Variants in RSBN1L observed in about 807,000 individuals in gnomAD.
RSBN1L encodes the protein lysine-specific demethylase RSBN1L.
Under a neutral mutation model 67.7 loss-of-function variants are expected in RSBN1L, and 30 were observed. That is an observed-to-expected ratio of 0.44 (90% CI 0.33 to 0.60). The LOEUF is 0.60. Among genes scored for constraint, RSBN1L ranks in the 20% least tolerant of loss-of-function variants. RSBN1L has a pLI of 0.02. For missense variants in RSBN1L, 992 were observed against 1,031.7 expected, an observed-to-expected ratio of 0.96 and a Z score of 0.53; for synonymous variants, 433 against 387.0, an observed-to-expected ratio of 1.12 and a Z score of -1.39.
chr7:77,734,361 T>C (rs1009548427), intron 1 of RSBN1L, among the ~76,000 whole-genome samples: 2 of 152,182 alleles, frequency 1.3e-5, no homozygotes, highest in African/African-American at 4.8e-5. Context: ...GAAAAAGAAA[T>C]GTGGAGACGT....
chr7:77,763,149 CTTTTTTT>C (rs11440608), intron 3 of RSBN1L, among the ~76,000 whole-genome samples: 35,006 of 126,930 alleles, frequency 0.28, 4,370 homozygotes, highest in South Asian at 0.33. Context: ...TATAATTTGA[CTTTTTTT>C]TTTTTTTTTT....
intron 1 of RSBN1L, among the ~76,000 whole-genome samples, chr7:77,713,608 G>A (rs1460778624): frequency 6.7e-6 from 1 of 150,072 alleles, no homozygotes; most frequent in Non-Finnish European, 1.5e-5. Context: ...CACCCACCTT[G>A]GCCTCCCAAA....
At chr7:77,765,729 T>G in intron 4 of RSBN1L, 97 bp downstream of exon 4, 1 of 898,646 alleles carries the variant, frequency 1.1e-6, no homozygotes, top group Admixed American at 2.6e-5. Flanking sequence ...TCTTTCATGC[T>G]ACATGCAATA....
chr7:77,769,103 T>C (rs546982020), intron 5 of RSBN1L, among the ~76,000 whole-genome samples: 1 of 152,282 alleles, frequency 6.6e-6, no homozygotes, highest in Non-Finnish European at 1.5e-5. Flanking sequence ...TAAAATGTTT[T>C]GTGGAGGATA....
intron 2 of RSBN1L, among the ~76,000 whole-genome samples, chr7:77,738,918 A>G (rs1791370914): frequency 6.6e-6 from 1 of 152,098 alleles, no homozygotes; most frequent in Non-Finnish European, 1.5e-5. Context: ...CAGCCTGGGC[A>G]ACAGAGAGAG....
chr7:77,777,910 C>T (rs1158465025), intron 6 of RSBN1L, among the ~76,000 whole-genome samples: 1 of 152,032 alleles, frequency 6.6e-6, no homozygotes, highest in African/African-American at 2.4e-5. Context: ...TTTTATGCAT[C>T]AGTATAGTTA....
chr7:77,755,785 C>T (rs1242096770), intron 3 of RSBN1L, among the ~76,000 whole-genome samples: 3 of 152,166 alleles, frequency 2.0e-5, no homozygotes, highest in African/African-American at 7.2e-5. Flanking sequence ...GAAGTTTCAA[C>T]CTGATAAACC....
intron 1 of RSBN1L, among the ~76,000 whole-genome samples, chr7:77,707,657 A>G (rs1266836496): frequency 1.3e-5 from 2 of 152,232 alleles, no homozygotes; most frequent in African/African-American, 2.4e-5. Flanking sequence ...AATGTTCACT[A>G]TTACTCAATT....
chr7:77,733,733 A>T (rs993436700), intron 1 of RSBN1L, among the ~76,000 whole-genome samples: 1 of 152,144 alleles, frequency 6.6e-6, no homozygotes, highest in Non-Finnish European at 1.5e-5. Flanking sequence ...ATAGTGTATG[A>T]TAGTTTTATT....
intron 6 of RSBN1L, among the ~76,000 whole-genome samples, chr7:77,775,158 C>T (rs552752994): frequency 6.6e-6 from 1 of 152,330 alleles, no homozygotes; most frequent in East Asian, 1.9e-4. Context: ...TGCTCTGTTG[C>T]CCAGGCTGGG....
chr7:77,708,706 C>G lies in RSBN1L; in HGVS notation c.586+11651C>G, dbSNP rs537548348. On this transcript the variant is annotated intron_variant, in intron 1 of 7. Coordinates refer to ENST00000334955, the MANE Select transcript of RSBN1L (RefSeq NM_198467.3). ...CGAGTTCAGACTATTTTGTGGGCAA[C>G]AGCAAGACATGGTTTTTTAGGAGGG... 2.6e-5 allele frequency among the ~76,000 whole-genome samples: 4 copies of G among 151,944 alleles called. No individual in the cohort carries two copies. The East Asian group carries it at 7.7e-4, about 29-fold the overall frequency.
intron 1 of RSBN1L, among the ~76,000 whole-genome samples, chr7:77,728,555 A>G (rs1032808024): frequency 2.2e-4 from 33 of 152,334 alleles, no homozygotes; most frequent in African/African-American, 7.2e-4. Context: ...GCGCTGCTCA[A>G]CAGCCACCCT....
chr7:77,703,445 T>C (rs939879978), intron 1 of RSBN1L, among the ~76,000 whole-genome samples: 1 of 149,418 alleles, frequency 6.7e-6, no homozygotes, highest in Non-Finnish European at 1.5e-5. Flanking sequence ...AGACGTGGAG[T>C]GTGTGTGTGT....
In RSBN1L at chr7:77,751,819, G is replaced by A. The variant is rs529767805; in HGVS notation, c.1344+1755G>A. 1.8e-4 allele frequency among the ~76,000 whole-genome samples: 28 copies of A among 152,274 alleles called. 2 individuals are homozygous for A. The South Asian group carries it at 1.9e-3, about 10-fold the overall frequency. On this transcript the variant is annotated intron_variant, in intron 3 of 7. Transcript: ENST00000334955. ...CTTATCACCTTATCATTCATTTGTC[G>A]TTTATTGCATGTCTCCTAAATGTCC...
chr7:77,702,384 A>C (rs2150411129), intron 1 of RSBN1L, among the ~76,000 whole-genome samples: 1 of 152,226 alleles, frequency 6.6e-6, no homozygotes, highest in African/African-American at 2.4e-5. Flanking sequence ...GATATTAATT[A>C]CAGCTTCTTT....
chr7:77,736,846 T>C (rs1791344075), intron 2 of RSBN1L, among the ~76,000 whole-genome samples: 1 of 152,188 alleles, frequency 6.6e-6, no homozygotes, highest in Non-Finnish European at 1.5e-5. Context: ...AGGAAGAAAT[T>C]AAGAAAAATT....
intron 1 of RSBN1L, among the ~76,000 whole-genome samples, chr7:77,719,443 A>G (rs1010600230): frequency 2.0e-4 from 31 of 152,232 alleles, no homozygotes; most frequent in Admixed American, 2.0e-3. Flanking sequence ...ATTGTAATAA[A>G]TAATGTAATT....
chr7:77,737,082 A>G (rs1791347757), intron 2 of RSBN1L, among the ~76,000 whole-genome samples: 2 of 151,604 alleles, frequency 1.3e-5, no homozygotes, highest in Non-Finnish European at 2.9e-5. Flanking sequence ...GGTGGGGTGG[A>G]GAGAAGAATT....
chr7:77,747,680 A>G (rs1274545505), intron 2 of RSBN1L, among the ~76,000 whole-genome samples: 6 of 152,232 alleles, frequency 3.9e-5, no homozygotes, highest in African/African-American at 1.4e-4. Flanking sequence ...AGCCTGCTAA[A>G]GGAATGGAGC....
Sources: allele counts gnomAD v4.1 joint callset (sites outside exome capture counted in the v4.1 genomes callset), GRCh38; gene constraint gnomAD v4.1.1; transcripts MANE v1.5; gene names NCBI Gene and HGNC (gene_info 2026-07-23, HGNC 2026-07-21).